Variants in TNRC6B observed in about 807,000 individuals in gnomAD.
TNRC6B encodes the protein trinucleotide repeat-containing gene 6B protein.
A neutral mutation model predicts 203.6 loss-of-function variants in TNRC6B; 52 were observed. The ratio of observed to expected loss-of-function variants is 0.26; its 90% CI spans 0.20 to 0.32. The LOEUF (loss-of-function observed/expected upper bound fraction) is 0.32, where lower values mean the gene tolerates loss of function less well. Ranked by LOEUF, TNRC6B falls within the 10% of genes least tolerant of loss-of-function variation. The pLI is 1.00. For missense variants in TNRC6B, 1,923 were observed against 2,286.2 expected, an observed-to-expected ratio of 0.84 and a Z score of 3.24; for synonymous variants, 838 against 845.7, an observed-to-expected ratio of 0.99 and a Z score of 0.16.
rs1410762856 is a variant in TNRC6B, at chr22:40,328,948, C to T, written c.*5707C>T. The T allele has an allele frequency of 2.0e-5, 3 of 152,110 alleles. No homozygotes were observed. Among genetic ancestry groups the T allele is most frequent in the Non-Finnish European group, 4.4e-5 (3 of 67,976 alleles). 9.4% of individuals were successfully genotyped at this position (152,110 alleles called of 1,614,324 possible). A position where few individuals can be genotyped will look rare whatever the true frequency, so the allele number is the denominator to read the frequency against. On this transcript the variant is annotated 3_prime_UTR_variant, in exon 23 of 23. Transcript: ENST00000454349. ...GCTGGTTAAAAAAAATCAAACTTTC[C>T]TCTGCAGTGTTTTTGCCAAGTTTTG...
intron 3 of TNRC6B, among the ~76,000 whole-genome samples, chr22:40,139,898 C>T (rs867348342): frequency 3.3e-5 from 5 of 152,252 alleles, no homozygotes; most frequent in South Asian, 2.1e-4. Flanking sequence ...CAGAAATGCA[C>T]GAGGGTTCCA....
chr22:40,266,069 G>A lies in TNRC6B; in HGVS notation c.1839G>A (p.Leu613=), dbSNP rs2070474815. ...VLQTLLSRTD[L]DPRVLSNTGW... ...AGACTCTTTTGAGCCGAACTGATTTGGACCCCAGGGTGCTCTCAAACACTG... is the reference window on the plus strand; with the variant it reads ...AGACTCTTTTGAGCCGAACTGATTTAGACCCCAGGGTGCTCTCAAACACTG... The change falls in exon 5 of 23, where the codon TTG becomes TTA. Residue 613 remains leucine, a synonymous_variant. Coordinates refer to ENST00000454349, the MANE Select transcript of TNRC6B (RefSeq NM_001162501.2). 1.2e-6 allele frequency: 2 copies of A among 1,613,684 alleles called. No individual in the cohort carries two copies. The highest frequency in any genetic ancestry group is 1.7e-6 in the Non-Finnish European group (2 of 1,179,906).
chr22:40,321,804 C>G (rs937746406), intron 22 of TNRC6B: 1 of 152,718 alleles, frequency 6.5e-6, no homozygotes, highest in Admixed American at 6.5e-5. Flanking sequence ...AAAAAACACA[C>G]AGCTAATAGA....
At chr22:40,268,016 A>G (rs2070504731) in intron 5 of TNRC6B, among the ~76,000 whole-genome samples, 1 of 152,228 alleles carries the variant, frequency 6.6e-6, no homozygotes, top group African/African-American at 2.4e-5. Flanking sequence ...GAATGTCCCT[A>G]TAGAGCATAT....
At chr22:40,242,605 T>C (rs2070046693) in intron 1 of TNRC6B, among the ~76,000 whole-genome samples, 1 of 151,250 alleles carries the variant, frequency 6.6e-6, no homozygotes, top group Non-Finnish European at 1.5e-5. Flanking sequence ...TAATTTTGTA[T>C]TTTAAACCTC....
At chr22:40,171,062 G>A (rs1163280375) in intron 4 of TNRC6B, among the ~76,000 whole-genome samples, 3 of 144,254 alleles carry the variant, frequency 2.1e-5, no homozygotes, top group Non-Finnish European at 1.5e-5. Flanking sequence ...ACACATACAT[G>A]TATCTATATA....
At chr22:40,270,352 C>A in intron 6 of TNRC6B, 72 bp downstream of exon 6, 1 of 1,305,128 alleles carries the variant, frequency 7.7e-7, no homozygotes, top group Non-Finnish European at 9.8e-7. Context: ...GAGTTTCACT[C>A]TTGTCCACCC....
intron 22 of TNRC6B, among the ~76,000 whole-genome samples, chr22:40,322,153 T>C (rs1340580464): frequency 6.6e-6 from 1 of 152,250 alleles, no homozygotes; most frequent in East Asian, 1.9e-4. Flanking sequence ...ATAACTCACA[T>C]GGGGAAAGAA....
At position 40,315,353 on chromosome 22, in the gene TNRC6B, C is replaced by A; in HGVS notation, c.4749C>A (p.Asn1583Lys). 1.2e-6 allele frequency: 2 copies of A among 1,614,010 alleles called. No individual in the cohort carries two copies. Among genetic ancestry groups the A allele is most frequent in the Non-Finnish European group, 1.7e-6 (2 of 1,179,896 alleles). ...GACACAACCCCACTCATCTCTCCAA[C>A]AAGATGTGGAAAAACCATATTTCCT... is the stretch of plus-strand genomic sequence containing the variant. ...PIGHNPTHLS[N>K]KMWKNHISSR... Residue 1583 changes from asparagine (N) to lysine (K), a missense_variant, in exon 20 of 23, where the codon AAC (asparagine) becomes AAA (lysine). Coordinates refer to ENST00000454349, the MANE Select transcript of TNRC6B (RefSeq NM_001162501.2).
At chr22:40,102,376 T>G (rs538442422) in intron 1 of TNRC6B, among the ~76,000 whole-genome samples, 4 of 152,158 alleles carry the variant, frequency 2.6e-5, no homozygotes, top group Non-Finnish European at 4.4e-5. Context: ...GATTCATTAT[T>G]TGGAAAATAA....
intron 1 of TNRC6B, among the ~76,000 whole-genome samples, chr22:40,181,548 C>A (rs1165461434): frequency 6.6e-6 from 1 of 152,198 alleles, no homozygotes; most frequent in African/African-American, 2.4e-5. Context: ...GTAAACAGAT[C>A]GTCACAACTT....
At chr22:40,161,086 T>C (rs913910709) in intron 4 of TNRC6B, among the ~76,000 whole-genome samples, 1 of 152,224 alleles carries the variant, frequency 6.6e-6, no homozygotes, top group African/African-American at 2.4e-5. Context: ...CCTTATTGTT[T>C]AACATTAGAT....
chr22:40,046,542 G>T (rs1036758124), intron 1 of TNRC6B, among the ~76,000 whole-genome samples: 3 of 151,652 alleles, frequency 2.0e-5, no homozygotes, highest in African/African-American at 7.3e-5. Flanking sequence ...TTCCGTAGCT[G>T]CTTTTCTGTG....
intron 6 of TNRC6B, 23 bp downstream of exon 6, chr22:40,270,303 T>C: frequency 1.5e-6 from 2 of 1,356,064 alleles, no homozygotes; most frequent in Non-Finnish European, 1.9e-6. Flanking sequence ...CTTTTCATTT[T>C]TGAGGGATCC....
At chr22:40,300,322 A>T in intron 12 of TNRC6B, 133 bp from the exon 13 acceptor site, 1 of 765,300 alleles carries the variant, frequency 1.3e-6, no homozygotes, top group South Asian at 2.6e-5. Context: ...TTTTCCTGTT[A>T]TATATTTTTC....
chr22:40,203,751 G>A (rs2069443317), intron 1 of TNRC6B, among the ~76,000 whole-genome samples: 1 of 152,174 alleles, frequency 6.6e-6, no homozygotes, highest in Non-Finnish European at 1.5e-5. Flanking sequence ...CCTGCCACAT[G>A]GCAGGTGCTG....
At chr22:40,096,885 G>A (rs76432691) in intron 1 of TNRC6B, among the ~76,000 whole-genome samples, 3,130 of 152,256 alleles carry the variant, frequency 0.021, 83 homozygotes, top group African/African-American at 0.063. Flanking sequence ...GTTCTGAAAA[G>A]AACAAGTTGG....
At chr22:40,098,384 CAAAA>C (rs1056495905) in intron 1 of TNRC6B, among the ~76,000 whole-genome samples, 6 of 51,496 alleles carry the variant, frequency 1.2e-4, no homozygotes, top group African/African-American at 3.3e-4. Flanking sequence ...GACTCCGTCT[CAAAA>C]AAAAAAAAAA....
At chr22:40,144,028 C>T (rs995802471) in intron 3 of TNRC6B, among the ~76,000 whole-genome samples, 1 of 152,206 alleles carries the variant, frequency 6.6e-6, no homozygotes, top group African/African-American at 2.4e-5. Context: ...TGCCATTATA[C>T]ACTCACCAAA....
Sources: gnomAD v4.1 joint callset for allele counts (sites outside exome capture counted in the v4.1 genomes callset) on GRCh38, gnomAD v4.1.1 for gene constraint, MANE v1.5 for transcripts, NCBI Gene and HGNC (gene_info 2026-07-23, HGNC 2026-07-21) for gene names.